Variants in SOX10 observed in about 807,000 individuals in gnomAD.
SOX10 encodes the protein transcription factor SOX-10.
In SOX10, 3 loss-of-function variants were observed where a neutral mutation model predicts 35.0. The observed-to-expected ratio is 0.09, with a 90% CI of 0.04 to 0.22. The LOEUF is 0.22. SOX10 is among the 10% of genes least tolerant of loss of function. The pLI is 1.00. For synonymous variants in SOX10, 285 were observed against 291.0 expected (o/e 0.98, Z 0.21); for missense variants, 436 against 655.1 (o/e 0.67, Z 3.65).
chr22:37,974,347 G>GTTTTT lies in SOX10; in HGVS notation c.698-154_698-150dup, dbSNP rs916489152. ...TTCACATTTTGGCAGCATGAGTCGG[G>GTTTTT]TTTTTTTTTGTTTTTTTTTTTTGAG... On this transcript the variant is annotated intron_variant, in intron 3 of 3. Coordinates refer to ENST00000396884, the MANE Select transcript of SOX10 (RefSeq NM_006941.4). The surrounding 1 kb of genome is among the most constrained non-coding windows in gnomAD (Gnocchi z 5.4). 3.4e-6 allele frequency: 2 copies of GTTTTT among 584,282 alleles called. No homozygotes were observed. The highest frequency in any genetic ancestry group is 3.1e-5 in the Admixed American group (1 of 32,678). 36.2% of individuals were successfully genotyped at this position (584,282 alleles called of 1,614,324 possible). A position where few individuals can be genotyped will look rare whatever the true frequency, so the allele number is the denominator to read the frequency against.
chr22:37,975,974 G>C (rs1410638104), intron 3 of SOX10, among the ~76,000 whole-genome samples: 2 of 151,922 alleles, frequency 1.3e-5, no homozygotes, highest in East Asian at 3.9e-4. Flanking sequence ...GGCGTGCTGG[G>C]TCATGCCTGT....
rs1361821921 is a variant in SOX10 at position 37,974,528 on chromosome 22, T to C, written c.698-330A>G. On this transcript the variant is annotated intron_variant, in intron 3 of 3. Transcript: ENST00000396884. This position sits in a 1 kb window ranked among gnomAD's most constrained non-coding sequence, Gnocchi z 5.4. ...CCACAATGCCCAGCTAATTTGTGTA[T>C]TTTTAGTAGAGACGGGGTTTCACCA... Among the ~76,000 whole-genome samples the C allele has an allele frequency of 3.3e-5, 5 of 152,150 alleles. No individual in the cohort carries two copies. The South Asian group carries it at 8.3e-4, about 25-fold the overall frequency.
rs574900029 is a variant in SOX10 at position 37,978,000 on chromosome 22, C to T, written c.564G>A (p.Ala188=). The change falls in exon 3 of 4, where the codon GCG becomes GCA. Residue 188 remains alanine, a synonymous_variant. Coordinates refer to ENST00000396884, the MANE Select transcript of SOX10 (RefSeq NM_006941.4). ...RKNGKAAQGE[A]ECPGGEAEQG... is the part of the protein sequence containing the mutation. The stretch of plus-strand genomic sequence containing the variant: ...GCTCGGCCTCCCCACCGGGGCACTC[C>T]GCCTCGCCCTGGGCGGCCTTCCCGT... The T allele has an allele frequency of 1.5e-5, 24 of 1,611,776 alleles. No homozygotes were observed. The highest frequency in any genetic ancestry group is 1.3e-4 in the South Asian group (12 of 91,012).
chr22:37,975,882 C>T (rs955388510), intron 3 of SOX10, among the ~76,000 whole-genome samples: 1 of 152,040 alleles, frequency 6.6e-6, no homozygotes, highest in Non-Finnish European at 1.5e-5. Flanking sequence ...GCCATGCCAC[C>T]TCTGGATCTC....
At chr22:37,975,389 G>C (rs139887) in intron 3 of SOX10, among the ~76,000 whole-genome samples, 90,090 of 151,996 alleles carry the variant, frequency 0.59, 26,962 homozygotes, top group East Asian at 0.75. Flanking sequence ...ATGTCTGAGT[G>C]GGGTGGGGCC....
intron 3 of SOX10, among the ~76,000 whole-genome samples, chr22:37,976,858 G>C (rs1327989792): frequency 6.6e-6 from 1 of 152,098 alleles, no homozygotes; most frequent in Non-Finnish European, 1.5e-5. Context: ...GCTTATGTCT[G>C]GCCCATCCAT....
In SOX10 at chr22:37,978,015, G is replaced by A. The variant is rs771810177; in HGVS notation, c.549C>T (p.Ala183=). The change falls in exon 3 of 4, where the codon GCC becomes GCT. Residue 183 remains alanine (A), a synonymous_variant. Transcript: ENST00000396884. This position sits in a 1 kb window ranked among gnomAD's most constrained non-coding sequence, Gnocchi z 5.0. Reference sequence around the variant, plus strand: ...CGGGGCACTCCGCCTCGCCCTGGGCGGCCTTCCCGTTCTTCCGCCGCCTGG... The same window carrying A: ...CGGGGCACTCCGCCTCGCCCTGGGCAGCCTTCCCGTTCTTCCGCCGCCTGG... ...YQPRRRKNGK[A]AQGEAECPGG... 1.1e-5 allele frequency: 18 copies of A among 1,611,652 alleles called. No individual in the cohort carries two copies. The highest frequency in any genetic ancestry group is 1.7e-5 in the Admixed American group (1 of 59,962).
chr22:37,972,510 G>T lies in SOX10; in HGVS notation c.*985C>A, dbSNP rs753092010. On this transcript the variant is annotated 3_prime_UTR_variant, in exon 4 of 4. Coordinates refer to ENST00000396884, the MANE Select transcript of SOX10 (RefSeq NM_006941.4). ...TTCAAATACCACTGGGAGGCAAGGG[G>T]TAAGAGGCAAGGGCAGAATGTACAG... The T allele has an allele frequency of 6.4e-6, 2 of 312,810 alleles. No individual in the cohort carries two copies. The highest frequency in any genetic ancestry group is 1.3e-5 in the Non-Finnish European group (2 of 159,728). 19.4% of individuals were successfully genotyped at this position (312,810 alleles called of 1,614,324 possible).
In SOX10 at chr22:37,974,044, C is replaced by T; in HGVS notation, c.852G>A (p.Glu284=). Residue 284 remains glutamate (E), a synonymous_variant, in exon 4 of 4, where the codon GAG becomes GAA. Coordinates refer to ENST00000396884, the MANE Select transcript of SOX10 (RefSeq NM_006941.4). The surrounding 1 kb of genome is among the most constrained non-coding windows in gnomAD (Gnocchi z 5.4). ...GNVDIGEISH[E]VMSNMETFDV... is the part of the protein sequence containing the mutation. ...CAAAGGTCTCCATGTTGGACATTACCTCGTGGCTGATCTCACCAATGTCCA... is the reference window on the plus strand; with the variant it reads ...CAAAGGTCTCCATGTTGGACATTACTTCGTGGCTGATCTCACCAATGTCCA... 9.9e-6 allele frequency: 16 copies of T among 1,614,032 alleles called. No homozygotes were observed. Among genetic ancestry groups the T allele is most frequent in the African/African-American group, 2.7e-5 (2 of 75,044 alleles).
At chr22:37,977,572 G>T (rs985418326) in intron 3 of SOX10, among the ~76,000 whole-genome samples, 1 of 151,858 alleles carries the variant, frequency 6.6e-6, no homozygotes, top group Non-Finnish European at 1.5e-5. Flanking sequence ...TGCCCTCCTC[G>T]GCCTCCCAAA....
intron 2 of SOX10, among the ~76,000 whole-genome samples, chr22:37,982,484 G>A (rs573534481): frequency 1.3e-5 from 2 of 152,300 alleles, no homozygotes; most frequent in East Asian, 3.9e-4. Flanking sequence ...ATTGCTCCCT[G>A]CGGGGGATGT....
chr22:37,982,409 C>A (rs1932428293), intron 2 of SOX10, among the ~76,000 whole-genome samples: 1 of 152,140 alleles, frequency 6.6e-6, no homozygotes, highest in Non-Finnish European at 1.5e-5. Flanking sequence ...GAGTGGGGGA[C>A]TGTCTTGTTC....
rs901142998 is a variant in SOX10, at chr22:37,973,219, G to T, written c.*276C>A. The T allele has an allele frequency of 1.7e-5, 7 of 417,116 alleles. No homozygotes were observed. The highest frequency in any genetic ancestry group is 3.6e-5 in the East Asian group (1 of 27,684). 25.8% of individuals were successfully genotyped at this position (417,116 alleles called of 1,614,324 possible). A position where few individuals can be genotyped will look rare whatever the true frequency, so the allele number is the denominator to read the frequency against. ...GGTCCTGGGATAGAGGGTCATTCCTGGGGGAAGGTGCAGCCCCTCATCTTT... is the reference window on the plus strand; with the variant it reads ...GGTCCTGGGATAGAGGGTCATTCCTTGGGGAAGGTGCAGCCCCTCATCTTT... On this transcript the variant is annotated 3_prime_UTR_variant, in exon 4 of 4. Transcript: ENST00000396884.
In SOX10 at chr22:37,974,572, T is replaced by C. The variant is rs1172979558; in HGVS notation, c.698-374A>G. 6.6e-6 allele frequency among the ~76,000 whole-genome samples: 1 copy of C among 152,008 alleles called. No individual in the cohort carries two copies. Among genetic ancestry groups the C allele is most frequent in the Non-Finnish European group, 1.5e-5 (1 of 67,988 alleles). Reference sequence around the variant, plus strand: ...TTCACCATGTTGGCCAGGGTTGTCTTGAACTCCTGACCTCAGGTGATCCAC... The same window carrying C: ...TTCACCATGTTGGCCAGGGTTGTCTCGAACTCCTGACCTCAGGTGATCCAC... On this transcript the variant is annotated intron_variant, in intron 3 of 3. Coordinates refer to ENST00000396884, the MANE Select transcript of SOX10 (RefSeq NM_006941.4). This position sits in a 1 kb window ranked among gnomAD's most constrained non-coding sequence, Gnocchi z 5.4.
chr22:37,982,030 T>A (rs1932413452), intron 2 of SOX10, among the ~76,000 whole-genome samples: 1 of 152,202 alleles, frequency 6.6e-6, no homozygotes, highest in Non-Finnish European at 1.5e-5. Context: ...TCTACCCAAC[T>A]GTGGCTGGCA....
intron 2 of SOX10, among the ~76,000 whole-genome samples, chr22:37,979,844 G>T (rs919067121): frequency 5.9e-5 from 9 of 152,128 alleles, no homozygotes; most frequent in Non-Finnish European, 1.0e-4. Flanking sequence ...GAGAATCCAT[G>T]AGTCTTTGTG....
In SOX10 at chr22:37,978,271, C is replaced by T. The variant is rs920362789; in HGVS notation, c.429-136G>A. Reference sequence around the variant, plus strand: ...GATGGGGCACCCAGAGGACAGGACCCGGGGTGGGGGCTGTGCCCTATGATT... The same window carrying T: ...GATGGGGCACCCAGAGGACAGGACCTGGGGTGGGGGCTGTGCCCTATGATT... On this transcript the variant is annotated intron_variant, in intron 2 of 3. Coordinates refer to ENST00000396884, the MANE Select transcript of SOX10 (RefSeq NM_006941.4). The surrounding 1 kb of genome is among the most constrained non-coding windows in gnomAD (Gnocchi z 5.0). 32 of 926,396 alleles carry T rather than the reference C, an allele frequency of 3.5e-5. No individual in the cohort carries two copies. The highest frequency in any genetic ancestry group is 1.2e-4 in the Admixed American group (4 of 33,904). 57.4% of individuals were successfully genotyped at this position (926,396 alleles called of 1,614,324 possible).
Position 37,983,120 on chromosome 22 carries a change from G to A in SOX10, c.428+237C>T, listed in dbSNP as rs1191276162. Among the ~76,000 whole-genome samples, 1 of 152,222 alleles carries A rather than the reference G, an allele frequency of 6.6e-6. No individual in the cohort carries two copies. Among genetic ancestry groups the A allele is most frequent in the Non-Finnish European group, 1.5e-5 (1 of 68,028 alleles). On this transcript the variant is annotated intron_variant, in intron 2 of 3. Transcript: ENST00000396884. This position sits in a 1 kb window ranked among gnomAD's most constrained non-coding sequence, Gnocchi z 9.5. Reference sequence around the variant, plus strand: ...CACCCGCAAAATTCCAACCACGAGGGGGCGCCTTCCTGCCCGCCGCCCCGT... The same window carrying A: ...CACCCGCAAAATTCCAACCACGAGGAGGCGCCTTCCTGCCCGCCGCCCCGT...
chr22:37,983,704 G>A lies in SOX10; in HGVS notation c.81C>T (p.Ser27=), dbSNP rs1463270429. 6.6e-7 allele frequency: 1 copy of A among 1,512,360 alleles called. No homozygotes were observed. Among genetic ancestry groups the A allele is most frequent in the South Asian group, 1.2e-5 (1 of 81,406 alleles). 93.7% of individuals were successfully genotyped at this position (1,512,360 alleles called of 1,614,324 possible). ...SEEPRCLSPG[S]APSLGPDGGG... ...CGCCGTCGGGCCCTAGCGAGGGCGC[G>A]CTCCCCGGGGACAGGCAGCGGGGCT... The change falls in exon 2 of 4, where the codon AGC becomes AGT. Residue 27 remains serine (S), a synonymous_variant. Coordinates refer to ENST00000396884, the MANE Select transcript of SOX10 (RefSeq NM_006941.4). This position sits in a 1 kb window ranked among gnomAD's most constrained non-coding sequence, Gnocchi z 9.5.
Sources: gnomAD v4.1 joint callset for allele counts (sites outside exome capture counted in the v4.1 genomes callset) on GRCh38, gnomAD v4.1.1 for gene constraint, Gnocchi (gnomAD v3.1) non-coding constraint, MANE v1.5 for transcripts, NCBI Gene and HGNC (gene_info 2026-07-23, HGNC 2026-07-21) for gene names.